The following SREBF2 variants were observed in gnomAD, a reference collection of about 807,000 sequenced individuals.
The protein encoded by SREBF2 is sterol regulatory element binding transcription factor 2.
SREBF2 carries 55 observed loss-of-function variants against 113.1 expected under a neutral mutation model. That is an observed-to-expected ratio of 0.49 (90% CI 0.39 to 0.61). SREBF2 has a LOEUF of 0.61. Ranked by LOEUF, SREBF2 falls within the 20% of genes least tolerant of loss-of-function variation. The pLI is 0.00. For synonymous variants in SREBF2, 593 were observed against 605.7 expected, an observed-to-expected ratio of 0.98 and a Z score of 0.31; for missense variants, 1,349 against 1,487.4, an observed-to-expected ratio of 0.91 and a Z score of 1.53.
At position 41,905,881 on chromosome 22, in the gene SREBF2, G is replaced by T; in HGVS notation, c.*221G>T. ...CCTGGTGGGCGTGAGAGGATAGGTGGCAGGGCAGAAACTGGGCAGCCCTGA... is the reference window on the plus strand; with the variant it reads ...CCTGGTGGGCGTGAGAGGATAGGTGTCAGGGCAGAAACTGGGCAGCCCTGA... On this transcript the variant is annotated 3_prime_UTR_variant, in exon 19 of 19. Transcript: ENST00000361204. 2 of 702,096 alleles carry T rather than the reference G, an allele frequency of 2.8e-6. No individual in the cohort carries two copies. The highest frequency in any genetic ancestry group is 5.2e-6 in the Non-Finnish European group (2 of 387,490). The allele number at this position is 702,096 out of a possible 1,614,324, so 43.5% of individuals were successfully genotyped here. A position where few individuals can be genotyped will look rare whatever the true frequency, so the allele number is the denominator to read the frequency against.
chr22:41,881,177 A>T (rs1273321992), intron 10 of SREBF2, among the ~76,000 whole-genome samples, 185 bp downstream of exon 10: 5 of 152,236 alleles, frequency 3.3e-5, no homozygotes, highest in Admixed American at 2.6e-4. Flanking sequence ...TTAGCTCATC[A>T]GTTCTCAGAT....
At chr22:41,893,956 G>T (rs1400015658) in intron 12 of SREBF2, among the ~76,000 whole-genome samples, 2 of 152,150 alleles carry the variant, frequency 1.3e-5, no homozygotes, top group Non-Finnish European at 2.9e-5. Context: ...GGTTCTACAG[G>T]TATAGGGGTG....
intron 1 of SREBF2, among the ~76,000 whole-genome samples, chr22:41,859,346 A>G (rs998228020): frequency 2.6e-5 from 4 of 152,168 alleles, no homozygotes; most frequent in African/African-American, 7.2e-5. Flanking sequence ...TCTGACATCA[A>G]TGTGATGAAT....
chr22:41,872,972 T>C (rs1175154972), intron 4 of SREBF2, among the ~76,000 whole-genome samples: 1 of 150,608 alleles, frequency 6.6e-6, no homozygotes, highest in African/African-American at 2.4e-5. Context: ...CCAAGGCGGG[T>C]GGATCACCTG....
In SREBF2 at chr22:41,877,939, T is replaced by C. The variant is rs753214862; in HGVS notation, c.1580-3T>C. 1.4e-5 allele frequency: 23 copies of C among 1,614,134 alleles called. No homozygotes were observed. The highest frequency in any genetic ancestry group is 1.9e-5 in the Non-Finnish European group (22 of 1,180,006). On this transcript the variant is annotated splice_region_variant and splice_polypyrimidine_tract_variant and intron_variant, in intron 8 of 18. Transcript: ENST00000361204. ...CAGACTCTGCTGAGACGCTCCTTCT[T>C]AGGTTCTGGGGGCTGGTTTGACTGG...
In SREBF2 at chr22:41,884,894, C is replaced by G. The variant is rs572333025; in HGVS notation, c.2091C>G (p.Ala697=). The G allele has an allele frequency of 1.2e-6, 2 of 1,614,066 alleles. No homozygotes were observed. The part of the protein sequence containing the change: ...ACSDVHMALC[A]VNLAECAEEK... ...CCGATGTACACATGGCGTTGTGTGC[C>G]GTGAACCTGGCTGAATGTGCAGAGG... Residue 697 remains alanine, a synonymous_variant, in exon 11 of 19, where the codon GCC becomes GCG. Transcript: ENST00000361204.
intron 1 of SREBF2, among the ~76,000 whole-genome samples, chr22:41,847,706 C>T (rs1337145241): frequency 6.6e-6 from 1 of 152,146 alleles, no homozygotes; most frequent in Non-Finnish European, 1.5e-5. Flanking sequence ...TTTTCCTTAC[C>T]TGTAAAGTGG....
chr22:41,903,534 C>A (rs1443575792), intron 17 of SREBF2, among the ~76,000 whole-genome samples: 1 of 152,184 alleles, frequency 6.6e-6, no homozygotes, highest in Admixed American at 6.5e-5. Flanking sequence ...GACTTTCATT[C>A]TTTTTCACAG....
chr22:41,842,749 G>A (rs887967112), intron 1 of SREBF2, among the ~76,000 whole-genome samples: 11 of 152,304 alleles, frequency 7.2e-5, no homozygotes, highest in African/African-American at 2.6e-4. Context: ...CAGCACTTGG[G>A]GAGGCCGAGC....
At chr22:41,890,533 A>G (rs2077350328) in intron 11 of SREBF2, among the ~76,000 whole-genome samples, 1 of 152,244 alleles carries the variant, frequency 6.6e-6, no homozygotes, top group Admixed American at 6.5e-5. Flanking sequence ...AGTGGCTCTC[A>G]GGATCTAAAC....
chr22:41,852,222 G>A (rs1213232587), intron 1 of SREBF2, among the ~76,000 whole-genome samples: 1 of 150,990 alleles, frequency 6.6e-6, no homozygotes, highest in African/African-American at 2.4e-5. Flanking sequence ...GAAAAAAAAA[G>A]TGAAAAAATT....
Position 41,906,543 on chromosome 22 carries a change from A to G in SREBF2, c.*883A>G, listed in dbSNP as rs1199007831. 2.0e-5 allele frequency: 3 copies of G among 153,660 alleles called. No homozygotes were observed. Among genetic ancestry groups the G allele is most frequent in the African/African-American group, 7.2e-5 (3 of 41,420 alleles). The allele number at this position is 153,660 out of a possible 1,614,324, so 9.5% of individuals were successfully genotyped here. On this transcript the variant is annotated 3_prime_UTR_variant, in exon 19 of 19. Coordinates refer to ENST00000361204, the MANE Select transcript of SREBF2 (RefSeq NM_004599.4). ...CCCATCTCCTACCTCCACAGTACAGACTGTCCCCAACTTAACAGTGGTTCA... is the reference window on the plus strand; with the variant it reads ...CCCATCTCCTACCTCCACAGTACAGGCTGTCCCCAACTTAACAGTGGTTCA...
intron 1 of SREBF2, among the ~76,000 whole-genome samples, chr22:41,850,199 C>T (rs879569045): frequency 1.3e-5 from 2 of 151,848 alleles, no homozygotes; most frequent in Non-Finnish European, 2.9e-5. Context: ...CCTGTAATCC[C>T]AGCACTTTGG....
intron 1 of SREBF2, among the ~76,000 whole-genome samples, chr22:41,861,918 CAA>C (rs879937662): frequency 2.5e-5 from 3 of 122,344 alleles, no homozygotes; most frequent in African/African-American, 3.1e-5. Flanking sequence ...GACTTTGTCT[CAA>C]AAAAAAAAAA....
intron 16 of SREBF2, among the ~76,000 whole-genome samples, chr22:41,901,209 C>T (rs1056252057): frequency 3.3e-5 from 5 of 152,086 alleles, no homozygotes; most frequent in Admixed American, 6.5e-5. Context: ...TGGGAGGGAC[C>T]GGGAGAGTCC....
In SREBF2 at chr22:41,900,459, C is replaced by T. The variant is rs1381572962; in HGVS notation, c.2868C>T (p.Leu956=). 2 of 1,613,922 alleles carry T rather than the reference C, an allele frequency of 1.2e-6. No individual in the cohort carries two copies. The highest frequency in any genetic ancestry group is 8.5e-7 in the Non-Finnish European group (1 of 1,180,036). The change falls in exon 16 of 19, where the codon CTC becomes CTT. Residue 956 remains leucine, a synonymous_variant. Transcript: ENST00000361204. ...ERASGHLWSS[L]NVSGATSDPA... ...CCAGTGGCCACCTATGGAGCAGCCTCAACGTCAGTGGGGCCACCTCTGACC... is the reference window on the plus strand; with the variant it reads ...CCAGTGGCCACCTATGGAGCAGCCTTAACGTCAGTGGGGCCACCTCTGACC...
At position 41,833,205 on chromosome 22, in the gene SREBF2, C is replaced by A. The variant is rs1250885314; in HGVS notation, c.-66C>A. On this transcript the variant is annotated 5_prime_UTR_variant, in exon 1 of 19. Transcript: ENST00000361204. The surrounding 1 kb of genome is among the most constrained non-coding windows in gnomAD (Gnocchi z 4.1). ...GGTTGTCGGGTGTCATGGGCGGTGG[C>A]GACGGCACCGCCCCCGCGTCTCCCT... 52 of 1,344,036 alleles carry A rather than the reference C, an allele frequency of 3.9e-5. No homozygotes were observed. The Middle Eastern group carries it at 6.3e-4, about 16-fold the overall frequency. The allele number at this position is 1,344,036 out of a possible 1,614,324, so 83.3% of individuals were successfully genotyped here.
At chr22:41,859,774 G>A (rs2077008456) in intron 1 of SREBF2, among the ~76,000 whole-genome samples, 1 of 143,910 alleles carries the variant, frequency 6.9e-6, no homozygotes, top group South Asian at 2.2e-4. Flanking sequence ...CTTGCCCCAG[G>A]TTCCAAGGCT....
intron 3 of SREBF2, among the ~76,000 whole-genome samples, chr22:41,869,933 G>A (rs1022191518): frequency 6.7e-6 from 1 of 150,220 alleles, no homozygotes; most frequent in Admixed American, 6.6e-5. Context: ...GGCTCACTGT[G>A]CAACCTCAGC....
Sources: gnomAD v4.1 joint callset for allele counts (sites outside exome capture counted in the v4.1 genomes callset) on GRCh38, gnomAD v4.1.1 for gene constraint, Gnocchi (gnomAD v3.1) non-coding constraint, MANE v1.5 for transcripts, NCBI Gene and HGNC (gene_info 2026-07-23, HGNC 2026-07-21) for gene names.